CSNK1G1: variants seen among roughly 807,000 people sequenced by gnomAD.
CSNK1G1 encodes casein kinase 1 gamma 1, also known as casein kinase I isoform gamma-1.
A neutral mutation model predicts 59.6 loss-of-function variants in CSNK1G1; 22 were observed. The ratio of observed to expected loss-of-function variants is 0.37; its 90% CI spans 0.26 to 0.53. The LOEUF (loss-of-function observed/expected upper bound fraction) is 0.53, where lower values mean the gene tolerates loss of function less well. CSNK1G1 is among the 20% of genes least tolerant of loss of function. CSNK1G1 has a pLI of 0.89. For missense variants in CSNK1G1, 384 were observed against 519.5 expected (o/e 0.74, Z 2.54); for synonymous variants, 179 against 177.1 (o/e 1.01, Z -0.08).
chr15:64,305,928 C>A (rs570225880), intron 1 of CSNK1G1, among the ~76,000 whole-genome samples: 2 of 152,030 alleles, frequency 1.3e-5, no homozygotes, highest in Non-Finnish European at 2.9e-5. Context: ...AACAATTAGA[C>A]ATATATTTGC....
chr15:64,316,079 T>G (rs1359064165), intron 1 of CSNK1G1, among the ~76,000 whole-genome samples: 1 of 152,278 alleles, frequency 6.6e-6, no homozygotes, highest in African/African-American at 2.4e-5. Flanking sequence ...TACGCCGGAG[T>G]GCAGTAGCAT....
intron 2 of CSNK1G1, among the ~76,000 whole-genome samples, chr15:64,277,541 TATTA>T (rs200688689): frequency 0.044 from 6,348 of 145,348 alleles, 163 homozygotes; most frequent in South Asian, 0.07. Context: ...TTCATATTGT[TATTA>T]ATATTAAAAT....
chr15:64,354,234 G>C (rs555968527), intron 1 of CSNK1G1, among the ~76,000 whole-genome samples: 18 of 152,174 alleles, frequency 1.2e-4, no homozygotes, highest in Non-Finnish European at 2.6e-4. Flanking sequence ...GAATCCTGGA[G>C]GTAGAGGTTG....
chr15:64,259,103 A>G (rs1046641290), intron 3 of CSNK1G1, 98 bp downstream of exon 3: 7 of 969,108 alleles, frequency 7.2e-6, no homozygotes, highest in East Asian at 2.6e-5. Context: ...CCAAACCATT[A>G]GCAGTTTTGC....
chr15:64,245,728 G>C (rs148436468), intron 4 of CSNK1G1, among the ~76,000 whole-genome samples: 2 of 150,624 alleles, frequency 1.3e-5, no homozygotes, highest in African/African-American at 4.9e-5. Context: ...AGTATAGCGA[G>C]ACCCCGGTTC....
chr15:64,171,248 G>A lies in CSNK1G1; in HGVS notation c.*683C>T, dbSNP rs904455817. 3 of 152,610 alleles carry A rather than the reference G, an allele frequency of 2.0e-5. No homozygotes were observed. The highest frequency in any genetic ancestry group is 7.2e-5 in the African/African-American group (3 of 41,418). 9.5% of individuals were successfully genotyped at this position (152,610 alleles called of 1,614,324 possible). A position where few individuals can be genotyped will look rare whatever the true frequency, so the allele number is the denominator to read the frequency against. Reference sequence around the variant, plus strand: ...TCATTGTCCTACTACCTGGAGAAAAGAGTTTGTCAAAAAAGCTAAGAACGC... The same window carrying A: ...TCATTGTCCTACTACCTGGAGAAAAAAGTTTGTCAAAAAAGCTAAGAACGC... On this transcript the variant is annotated 3_prime_UTR_variant, in exon 12 of 12. Transcript: ENST00000303052. The surrounding 1 kb of genome is among the most constrained non-coding windows in gnomAD (Gnocchi z 4.8).
intron 4 of CSNK1G1, among the ~76,000 whole-genome samples, chr15:64,234,057 G>A (rs1026661958): frequency 6.6e-6 from 1 of 152,036 alleles, no homozygotes; most frequent in Non-Finnish European, 1.5e-5. Flanking sequence ...TTCCTCATCT[G>A]ACATTTGTTC....
At chr15:64,350,917 T>G (rs188534470) in intron 1 of CSNK1G1, among the ~76,000 whole-genome samples, 1 of 152,182 alleles carries the variant, frequency 6.6e-6, no homozygotes, top group African/African-American at 2.4e-5. Flanking sequence ...TTTCTTTTTT[T>G]TTTTCCTCCC....
chr15:64,245,262 A>G (rs1891690224), intron 4 of CSNK1G1, among the ~76,000 whole-genome samples: 1 of 152,242 alleles, frequency 6.6e-6, no homozygotes, highest in Non-Finnish European at 1.5e-5. Context: ...AATTTCAGCA[A>G]GCTAAGAAGC....
chr15:64,311,065 A>T (rs1043054570), intron 1 of CSNK1G1, among the ~76,000 whole-genome samples: 2 of 150,106 alleles, frequency 1.3e-5, no homozygotes, highest in Admixed American at 6.6e-5. Flanking sequence ...TTTATTTATT[A>T]TTTTTTTTAA....
chr15:64,252,022 G>A (rs926704144), intron 3 of CSNK1G1, among the ~76,000 whole-genome samples: 2 of 151,962 alleles, frequency 1.3e-5, no homozygotes, highest in African/African-American at 4.8e-5. Context: ...AAATTAGGAA[G>A]AAAGTAAAAA....
chr15:64,191,613 G>T (rs1196493219), intron 10 of CSNK1G1, among the ~76,000 whole-genome samples: 6 of 152,048 alleles, frequency 3.9e-5, no homozygotes, highest in Non-Finnish European at 1.5e-5. Context: ...AAAATACCAA[G>T]ACATTTTTCA....
At chr15:64,332,717 A>G (rs1897176865) in intron 1 of CSNK1G1, among the ~76,000 whole-genome samples, 1 of 150,702 alleles carries the variant, frequency 6.6e-6, no homozygotes, top group Non-Finnish European at 1.5e-5. Context: ...AAATCACAAA[A>G]CAATTTAAAA....
At chr15:64,205,404 A>G (rs1263949634) in intron 7 of CSNK1G1, among the ~76,000 whole-genome samples, 1 of 152,332 alleles carries the variant, frequency 6.6e-6, no homozygotes, top group East Asian at 1.9e-4. Flanking sequence ...TTGAACAGAA[A>G]AAAAACAATA....
chr15:64,327,614 C>G (rs1317480910), intron 1 of CSNK1G1, among the ~76,000 whole-genome samples: 1 of 150,190 alleles, frequency 6.7e-6, no homozygotes, highest in Non-Finnish European at 1.5e-5. Context: ...AAACGCAGAG[C>G]GCCTCTCCTC....
chr15:64,286,728 C>T (rs568657187), intron 2 of CSNK1G1, among the ~76,000 whole-genome samples: 3 of 152,256 alleles, frequency 2.0e-5, no homozygotes, highest in Admixed American at 6.5e-5. Flanking sequence ...TGGAAATCTA[C>T]CCCTAGCCTT....
At chr15:64,230,276 T>A (rs2082528759) in intron 4 of CSNK1G1, among the ~76,000 whole-genome samples, 1 of 151,508 alleles carries the variant, frequency 6.6e-6, no homozygotes, top group African/African-American at 2.4e-5. Context: ...AATATTTTAG[T>A]ATATAGTGCC....
chr15:64,299,829 A>G (rs991372359), intron 2 of CSNK1G1, among the ~76,000 whole-genome samples: 3 of 152,126 alleles, frequency 2.0e-5, no homozygotes, highest in Non-Finnish European at 4.4e-5. Flanking sequence ...ATCTTTTGGA[A>G]AATTTCTCCA....
Position 64,175,308 on chromosome 15 carries a change from T to C in CSNK1G1, c.1215-3323A>G, listed in dbSNP as rs547013502. On this transcript the variant is annotated intron_variant, in intron 11 of 11. Transcript: ENST00000303052. ...GTTCAGAAACCAGTGCCCAACCCAG[T>C]CACTGAAGACAAATAGAAACATGGC... Among the ~76,000 whole-genome samples the C allele has an allele frequency of 3.9e-5, 6 of 152,180 alleles. No homozygotes were observed. In the South Asian group the frequency reaches 1.2e-3, roughly 32 times the overall value.
Sources: allele counts gnomAD v4.1 joint callset (sites outside exome capture counted in the v4.1 genomes callset), GRCh38; gene constraint gnomAD v4.1.1; non-coding constraint Gnocchi (gnomAD v3.1); transcripts MANE v1.5; gene names NCBI Gene and HGNC (gene_info 2026-07-23, HGNC 2026-07-21).